Variants in OTUD7B observed in about 807,000 individuals in gnomAD.
OTUD7B encodes the protein OTU domain-containing protein 7B.
OTUD7B carries 34 observed loss-of-function variants against 82.2 expected under a neutral mutation model. The ratio of observed to expected loss-of-function variants is 0.41; its 90% CI spans 0.31 to 0.55. The LOEUF is 0.55. Among genes scored for constraint, OTUD7B ranks in the 20% least tolerant of loss-of-function variants. OTUD7B has a pLI of 0.20. For synonymous variants in OTUD7B, 398 were observed against 402.7 expected (o/e 0.99, Z 0.14); for missense variants, 944 against 1,062.1 (o/e 0.89, Z 1.55).
At chr1:149,979,634 G>C (rs1650576289) in intron 1 of OTUD7B, among the ~76,000 whole-genome samples, 1 of 151,826 alleles carries the variant, frequency 6.6e-6, no homozygotes, top group Non-Finnish European at 1.5e-5. Flanking sequence ...AAGAACTTTT[G>C]GTCTAAGATA....
intron 1 of OTUD7B, among the ~76,000 whole-genome samples, chr1:149,989,598 G>A (rs1312902845): frequency 1.3e-5 from 2 of 151,464 alleles, no homozygotes; most frequent in African/African-American, 4.9e-5. Context: ...AAATTAGCTG[G>A]GCATGGTGGC....
intron 1 of OTUD7B, among the ~76,000 whole-genome samples, chr1:150,008,809 T>A (rs1297229058): frequency 6.6e-6 from 1 of 152,190 alleles, no homozygotes; most frequent in Non-Finnish European, 1.5e-5. Context: ...GGAATATATG[T>A]TTTCAGCATA....
At chr1:150,065,166 G>A in the OTUD7B span, among the ~76,000 whole-genome samples, 1 of 151,896 alleles carries the variant, frequency 6.6e-6, no homozygotes, top group Non-Finnish European at 1.5e-5. Flanking sequence ...CAACCTCCTG[G>A]GCTCAGGTGA....
Position 149,948,293 on chromosome 1 carries a change from C to T in OTUD7B, c.1238+676G>A, listed in dbSNP as rs587686978. On this transcript the variant is annotated intron_variant, in intron 10 of 11. Transcript: ENST00000581312. ...TGCTGGGATTACAGGCATAAGCCAC[C>T]GCACCCAGCCTTGATCAACTCTTTA... Among the ~76,000 whole-genome samples the T allele has an allele frequency of 2.2e-4, 33 of 152,164 alleles. 1 individual carries two copies. In the South Asian group the frequency reaches 5.0e-3, roughly 23 times the overall value.
rs1649347971 is a variant in OTUD7B, at chr1:149,964,101, G to C, written c.732+121C>G. ...TAACTGCATTTTCTCCAATTTTCAG[G>C]ATCATAAGGGGAGTCACACTGACCT... On this transcript the variant is annotated intron_variant, in intron 6 of 11. Transcript: ENST00000581312. 9 of 1,127,174 alleles carry C rather than the reference G, an allele frequency of 8.0e-6. No individual in the cohort carries two copies. In the South Asian group the frequency reaches 1.2e-4, roughly 14 times the overall value. The allele number at this position is 1,127,174 out of a possible 1,614,324, so 69.8% of individuals were successfully genotyped here.
intron 6 of OTUD7B, 39 bp from the exon 7 acceptor site, chr1:149,959,835 G>GCCTCTAATT: frequency 2.9e-6 from 4 of 1,363,168 alleles, no homozygotes; most frequent in African/African-American, 1.4e-5. Context: ...GGCAATTAGA[G>GCCTCTAATT]GCTGGGTTCT....
chr1:149,949,862 C>T, intron 8 of OTUD7B, 84 bp from the exon 9 acceptor site: 1 of 1,430,260 alleles, frequency 7.0e-7, no homozygotes, highest in Non-Finnish European at 9.6e-7. Flanking sequence ...CAACTGAGTC[C>T]CTCCCTGCTT....
the OTUD7B span, among the ~76,000 whole-genome samples, chr1:150,066,816 T>C: frequency 1.2e-4 from 19 of 152,212 alleles, no homozygotes; most frequent in Admixed American, 1.2e-3. This position sits in a 1 kb window ranked among gnomAD's most constrained non-coding sequence, Gnocchi z 4.6. Context: ...GAGACCTGTG[T>C]GGTGTAAAGA....
chr1:149,996,508 A>G (rs1008864213), intron 1 of OTUD7B, among the ~76,000 whole-genome samples: 3 of 152,248 alleles, frequency 2.0e-5, no homozygotes, highest in Non-Finnish European at 4.4e-5. Context: ...CGTTAGAGCT[A>G]TATCTAAATC....
upstream of OTUD7B, among the ~76,000 whole-genome samples, chr1:150,014,354 G>T (rs1653206913): frequency 1.4e-5 from 2 of 142,140 alleles, no homozygotes. Flanking sequence ...AACCATGATT[G>T]CACCACTGCA....
chr1:150,004,240 T>A (rs1652501042), intron 1 of OTUD7B, among the ~76,000 whole-genome samples: 1 of 152,134 alleles, frequency 6.6e-6, no homozygotes, highest in Non-Finnish European at 1.5e-5. Context: ...ATACTGCTAT[T>A]CTATTCAAAA....
chr1:150,033,861 A>G, the OTUD7B span, among the ~76,000 whole-genome samples: 2 of 152,056 alleles, frequency 1.3e-5, no homozygotes, highest in African/African-American at 2.4e-5. Flanking sequence ...AGCTGGGACT[A>G]CAGGTGTGCG....
At chr1:150,006,629 T>A (rs1652691837) in intron 1 of OTUD7B, among the ~76,000 whole-genome samples, 1 of 152,222 alleles carries the variant, frequency 6.6e-6, no homozygotes, top group Non-Finnish European at 1.5e-5. Context: ...AGTTCTGAAT[T>A]ACCTACAACA....
chr1:150,063,551 T>C, the OTUD7B span, among the ~76,000 whole-genome samples: 1 of 152,204 alleles, frequency 6.6e-6, no homozygotes, highest in Non-Finnish European at 1.5e-5. Context: ...TTATTTGTAA[T>C]AAAAAGTATG....
chr1:149,955,085 GCTT>G (rs1457563516), intron 7 of OTUD7B, among the ~76,000 whole-genome samples: 2 of 152,108 alleles, frequency 1.3e-5, no homozygotes, highest in African/African-American at 4.8e-5. Context: ...CCTTCTGCTA[GCTT>G]TTGAATGTTT....
rs1647472631 is a variant in OTUD7B, at chr1:149,944,067, G to T, written c.2322C>A (p.Ser774=). 2 of 1,614,190 alleles carry T rather than the reference G, an allele frequency of 1.2e-6. No individual in the cohort carries two copies. The highest frequency in any genetic ancestry group is 3.3e-4 in the Middle Eastern group (2 of 6,062). The change falls in exon 12 of 12, where the codon TCC becomes TCA. Residue 774 remains serine (S), a synonymous_variant. Coordinates refer to ENST00000581312, the MANE Select transcript of OTUD7B (RefSeq NM_020205.4). ...LLPPPYRVAD[S]YSNGYREPPE... ...GGGGCTCTCTGTAGCCATTGCTATAGGAATCAGCCACTCGGTAGGGGGGTG... is the reference window on the plus strand; with the variant it reads ...GGGGCTCTCTGTAGCCATTGCTATATGAATCAGCCACTCGGTAGGGGGGTG...
the OTUD7B span, among the ~76,000 whole-genome samples, chr1:150,044,812 G>A: frequency 6.6e-6 from 1 of 151,850 alleles, no homozygotes; most frequent in Non-Finnish European, 1.5e-5. Flanking sequence ...TCATAAGGGT[G>A]AAAAATAAGA....
At chr1:150,005,818 G>C (rs186734655) in intron 1 of OTUD7B, among the ~76,000 whole-genome samples, 1 of 152,260 alleles carries the variant, frequency 6.6e-6, no homozygotes, top group East Asian at 1.9e-4. Flanking sequence ...TAATGTAGTG[G>C]CATTCGTCCA....
At position 149,965,815 on chromosome 1, in the gene OTUD7B, G is replaced by A. The variant is rs782079820; in HGVS notation, c.566C>T (p.Thr189Ile). Residue 189 changes from threonine (T) to isoleucine (I), a missense_variant, in exon 5 of 12, where the codon ACT (threonine) becomes ATT (isoleucine). Thr to Ile is a moderately conservative substitution (Grantham distance 89). Around this residue, in one of 3 missense-constraint regions of OTUD7B, gnomAD observed 530 missense variants for 625.6 expected, o/e 0.85. Transcript: ENST00000581312. Reference sequence around the variant, plus strand: ...ATGCAGGAGGCAGTTCCCATCTCCAGTAGTTGCCAAAGGAAGCAGCCTCTG... The same window carrying A: ...ATGCAGGAGGCAGTTCCCATCTCCAATAGTTGCCAAAGGAAGCAGCCTCTG... ...TSQRLLPLAT[T>I]GDGNCLLHAA... is the part of the protein sequence containing the mutation. The A allele has an allele frequency of 6.2e-7, 1 of 1,614,086 alleles. No homozygotes were observed. Among genetic ancestry groups the A allele is most frequent in the Non-Finnish European group, 8.5e-7 (1 of 1,179,974 alleles).
Sources: allele counts gnomAD v4.1 joint callset (sites outside exome capture counted in the v4.1 genomes callset), GRCh38; gene constraint gnomAD v4.1.1; regional missense constraint gnomAD v4.1.1; non-coding constraint Gnocchi (gnomAD v3.1); transcripts MANE v1.5; gene names NCBI Gene and HGNC (gene_info 2026-07-23, HGNC 2026-07-21).